The following KCNQ5 variants were observed in gnomAD, a reference collection of about 807,000 sequenced individuals.
The protein encoded by KCNQ5 is potassium voltage-gated channel subfamily Q member 5.
A neutral mutation model predicts 98.2 loss-of-function variants in KCNQ5; 30 were observed. That is an observed-to-expected ratio of 0.31 (90% confidence interval 0.23 to 0.41). KCNQ5 has a LOEUF of 0.41. Ranked by LOEUF, KCNQ5 falls within the 10% of genes least tolerant of loss-of-function variation. The pLI is 1.00. For missense variants in KCNQ5, 835 were observed against 1,182.5 expected (o/e 0.71, Z 4.31); for synonymous variants, 458 against 449.4 (o/e 1.02, Z -0.24).
At position 73,158,271 on chromosome 6, in the gene KCNQ5, T is replaced by G. The variant is rs925621918; in HGVS notation, c.1469-11475T>G. 3.4e-3 allele frequency: 513 copies of G among 152,342 alleles called. 3 individuals carry two copies. Among genetic ancestry groups the G allele is most frequent in the South Asian group, 0.014 (106 of 7,376 alleles). 9.4% of individuals were successfully genotyped at this position (152,342 alleles called of 1,614,324 possible). A position where few individuals can be genotyped will look rare whatever the true frequency, so the allele number is the denominator to read the frequency against. Reference sequence around the variant, plus strand: ...TTTGGAAGATTTTTTTTTTTTTTTTTTTTTTTTTTTTTGTGGAGACGGAGT... The same window carrying G: ...TTTGGAAGATTTTTTTTTTTTTTTTGTTTTTTTTTTTTGTGGAGACGGAGT... On this transcript the variant is annotated intron_variant, in intron 10 of 13. Coordinates refer to ENST00000370398, the MANE Select transcript of KCNQ5 (RefSeq NM_019842.4).
At chr6:73,029,867 C>T (rs1043689925) in intron 2 of KCNQ5, among the ~76,000 whole-genome samples, 7 of 131,676 alleles carry the variant, frequency 5.3e-5, no homozygotes, top group Admixed American at 9.1e-5. Context: ...GCCGAGATTG[C>T]GTCACTGCAC....
chr6:72,767,279 A>G (rs945135998), intron 1 of KCNQ5, among the ~76,000 whole-genome samples: 4 of 152,066 alleles, frequency 2.6e-5, no homozygotes, highest in African/African-American at 9.7e-5. Flanking sequence ...GTAACTGGAT[A>G]GCCACATGAA....
chr6:72,808,986 C>A (rs1775094421), intron 1 of KCNQ5, among the ~76,000 whole-genome samples: 1 of 151,186 alleles, frequency 6.6e-6, no homozygotes, highest in Non-Finnish European at 1.5e-5. Context: ...GACTTGGAAC[C>A]AACCCAAATG....
At chr6:72,780,846 G>A (rs1225663344) in intron 1 of KCNQ5, among the ~76,000 whole-genome samples, 2 of 152,116 alleles carry the variant, frequency 1.3e-5, no homozygotes, top group African/African-American at 4.8e-5. Flanking sequence ...CACTTACTCT[G>A]GATCAGGCAC....
intron 1 of KCNQ5, among the ~76,000 whole-genome samples, chr6:72,641,288 C>T (rs949697489): frequency 1.3e-5 from 2 of 151,954 alleles, no homozygotes; most frequent in Non-Finnish European, 2.9e-5. Context: ...ATGAGGAATC[C>T]AAAATCATCA....
At chr6:72,831,606 C>A (rs1776273437) in intron 1 of KCNQ5, among the ~76,000 whole-genome samples, 1 of 151,278 alleles carries the variant, frequency 6.6e-6, no homozygotes, top group African/African-American at 2.4e-5. Context: ...GGAGGGAAAG[C>A]AGTAGGAGAT....
intron 1 of KCNQ5, among the ~76,000 whole-genome samples, chr6:72,963,550 T>C (rs1767473464): frequency 6.6e-6 from 1 of 152,210 alleles, no homozygotes; most frequent in Admixed American, 6.5e-5. Flanking sequence ...GTTTAGCAAA[T>C]AAATATACAT....
chr6:72,995,368 C>CAA (rs376273426), intron 1 of KCNQ5, among the ~76,000 whole-genome samples: 1,264 of 70,124 alleles, frequency 0.018, 18 homozygotes, highest in East Asian at 0.054. Context: ...AACTCTGTCT[C>CAA]AAAAAAAAAA....
At chr6:72,731,068 T>C (rs924768956) in intron 1 of KCNQ5, among the ~76,000 whole-genome samples, 2 of 152,232 alleles carry the variant, frequency 1.3e-5, no homozygotes, top group African/African-American at 4.8e-5. Flanking sequence ...GCATATGTGA[T>C]ACTAAAAAGG....
At chr6:72,956,544 CTTTTA>C (rs1767071138) in intron 1 of KCNQ5, among the ~76,000 whole-genome samples, 1 of 42,990 alleles carries the variant, frequency 2.3e-5, no homozygotes, top group Non-Finnish European at 5.1e-5. Flanking sequence ...TTCTTTCTTT[CTTTTA>C]TTTTTTTTAT....
At chr6:72,877,177 A>G (rs374889061) in intron 1 of KCNQ5, among the ~76,000 whole-genome samples, 3 of 152,038 alleles carry the variant, frequency 2.0e-5, no homozygotes, top group African/African-American at 7.2e-5. Context: ...TAAGCCCCGC[A>G]TGCATTAGGC....
intron 11 of KCNQ5, among the ~76,000 whole-genome samples, chr6:73,183,411 G>A (rs1330255180): frequency 1.3e-5 from 2 of 152,172 alleles, no homozygotes; most frequent in Non-Finnish European, 2.9e-5. Context: ...CAGCCATCCA[G>A]CCAAGCACAA....
chr6:72,772,321 C>A (rs985476940), intron 1 of KCNQ5, among the ~76,000 whole-genome samples: 1 of 152,050 alleles, frequency 6.6e-6, no homozygotes, highest in African/African-American at 2.4e-5. Flanking sequence ...TATTTTATGA[C>A]AAAGTGCCAT....
chr6:73,015,120 C>T lies in KCNQ5; in HGVS notation c.489+11122C>T, dbSNP rs76808209. Among the ~76,000 whole-genome samples the T allele has an allele frequency of 9.6e-3, 1,464 of 152,126 alleles. 8 individuals are homozygous for T. The highest frequency in any genetic ancestry group is 0.012 in the Non-Finnish European group (815 of 67,974). On this transcript the variant is annotated intron_variant, in intron 2 of 13. Coordinates refer to ENST00000370398, the MANE Select transcript of KCNQ5 (RefSeq NM_019842.4). ...AATCTTATGTTTGTAAAGGCAGTAA[C>T]GCAGTATGAGATATGAAGCAATCAG...
chr6:72,678,048 G>C (rs143340193), intron 1 of KCNQ5, among the ~76,000 whole-genome samples: 1 of 152,306 alleles, frequency 6.6e-6, no homozygotes, highest in East Asian at 1.9e-4. Context: ...AGGCCTGTTA[G>C]CATAAAGGAT....
chr6:72,630,780 C>T (rs1210042078), intron 1 of KCNQ5, among the ~76,000 whole-genome samples: 1 of 152,082 alleles, frequency 6.6e-6, no homozygotes, highest in Non-Finnish European at 1.5e-5. Context: ...TGCTGGAAGG[C>T]TGTATTTATA....
chr6:72,872,194 T>G (rs1178434224), intron 1 of KCNQ5, among the ~76,000 whole-genome samples: 1 of 152,230 alleles, frequency 6.6e-6, no homozygotes, highest in Non-Finnish European at 1.5e-5. Context: ...AGAAGTGCTT[T>G]TAGCATGTGT....
chr6:73,006,308 AAAGG>A (rs1407688698), intron 2 of KCNQ5, among the ~76,000 whole-genome samples: 1 of 151,918 alleles, frequency 6.6e-6, no homozygotes, highest in Non-Finnish European at 1.5e-5. Context: ...ATTACCATCC[AAAGG>A]AAGAAGAAGG....
intron 1 of KCNQ5, among the ~76,000 whole-genome samples, chr6:72,922,772 G>T (rs1780458982): frequency 6.7e-6 from 1 of 149,202 alleles, no homozygotes; most frequent in Admixed American, 6.7e-5. Flanking sequence ...TATTTCATTG[G>T]GTATATAGGA....
Sources: gnomAD v4.1 joint callset for allele counts (sites outside exome capture counted in the v4.1 genomes callset) on GRCh38, gnomAD v4.1.1 for gene constraint, MANE v1.5 for transcripts, NCBI Gene and HGNC (gene_info 2026-07-23, HGNC 2026-07-21) for gene names.